AEBP2: variants seen among roughly 807,000 people sequenced by gnomAD.
AEBP2 encodes AE binding protein 2, also known as zinc finger protein AEBP2.
Under a neutral mutation model 50.8 loss-of-function variants are expected in AEBP2, and 10 were observed. That is an observed-to-expected ratio of 0.20 (90% CI 0.12 to 0.33). The LOEUF (loss-of-function observed/expected upper bound fraction) is 0.33, where lower values mean the gene tolerates loss of function less well. Among genes scored for constraint, AEBP2 ranks in the 10% least tolerant of loss-of-function variants. AEBP2 has a pLI of 1.00. For missense variants in AEBP2, 570 were observed against 688.0 expected (o/e 0.83, Z 1.92); for synonymous variants, 296 against 261.3 (o/e 1.13, Z -1.28).
intron 1 of AEBP2, among the ~76,000 whole-genome samples, chr12:19,459,069 T>G (rs905663357): frequency 2.6e-5 from 4 of 152,204 alleles, no homozygotes; most frequent in African/African-American, 9.7e-5. Context: ...TTGGTTATGA[T>G]TGGTTGTTCA....
At chr12:19,498,594 A>C (rs1949020351) in intron 4 of AEBP2, among the ~76,000 whole-genome samples, 1 of 152,176 alleles carries the variant, frequency 6.6e-6, no homozygotes, top group African/African-American at 2.4e-5. Context: ...CCAGGGAATC[A>C]AGCCAACTCT....
chr12:19,503,619 T>G (rs1262923974), intron 5 of AEBP2, among the ~76,000 whole-genome samples: 1 of 152,136 alleles, frequency 6.6e-6, no homozygotes, highest in Non-Finnish European at 1.5e-5. Flanking sequence ...GATTGATTGC[T>G]CTGGCTAGGA....
At chr12:19,411,328 A>G (rs2095739125) in intron 1 of AEBP2, among the ~76,000 whole-genome samples, 1 of 152,206 alleles carries the variant, frequency 6.6e-6, no homozygotes, top group Non-Finnish European at 1.5e-5. Context: ...AGCTTGGTCC[A>G]GAGGGAGGAT....
intron 1 of AEBP2, among the ~76,000 whole-genome samples, chr12:19,460,718 T>C (rs1051168075): frequency 6.7e-6 from 1 of 149,032 alleles, no homozygotes; most frequent in Admixed American, 6.8e-5. Flanking sequence ...CCAGTGCCGC[T>C]ATCTCTGCTC....
At position 19,440,023 on chromosome 12, in the gene AEBP2, T is replaced by A; in HGVS notation, c.324T>A (p.Asp108Glu). 6.6e-7 allele frequency: 1 copy of A among 1,518,630 alleles called. No homozygotes were observed. Among genetic ancestry groups the A allele is most frequent in the East Asian group, 2.6e-5 (1 of 37,864 alleles). The allele number at this position is 1,518,630 out of a possible 1,614,324, so 94.1% of individuals were successfully genotyped here. A position where few individuals can be genotyped will look rare whatever the true frequency, so the allele number is the denominator to read the frequency against. Residue 108 changes from aspartate (D) to glutamate (E), a missense_variant, in exon 1 of 8, where the codon GAT becomes GAA. By Grantham distance (45) the Asp-to-Glu change is conservative (BLOSUM62 2). Around this residue, in one of 2 missense-constraint regions of AEBP2, gnomAD observed 386 missense variants for 336.8 expected, o/e 1.15. Transcript: ENST00000266508. ...AGGAGGACGACGAGGAGGAGGAAGATGAGAGCAGCAGCAGCGGCGGGGGTG... is the reference window on the plus strand; with the variant it reads ...AGGAGGACGACGAGGAGGAGGAAGAAGAGAGCAGCAGCAGCGGCGGGGGTG... ...DEEEDDEEEE[D>E]ESSSSGGGEE... is the part of the protein sequence containing the mutation.
At chr12:19,466,734 C>T (rs1948483253) in intron 2 of AEBP2, 1 of 927,580 alleles carries the variant, frequency 1.1e-6, no homozygotes, top group South Asian at 5.0e-5. Context: ...CTTATTTCTT[C>T]TTTCTCTCTT....
At chr12:19,486,529 T>C (rs536026950) in intron 3 of AEBP2, among the ~76,000 whole-genome samples, 2 of 152,170 alleles carry the variant, frequency 1.3e-5, no homozygotes, top group African/African-American at 2.4e-5. Context: ...GTAGCTGGGA[T>C]TCAGGCCTGT....
intron 1 of AEBP2, chr12:19,456,725 A>C: frequency 6.3e-7 from 1 of 1,589,952 alleles, no homozygotes. Flanking sequence ...TGTCCCCAGA[A>C]AGAGTTTCAC....
chr12:19,506,640 T>C (rs1406493934), intron 5 of AEBP2, among the ~76,000 whole-genome samples: 1 of 152,192 alleles, frequency 6.6e-6, no homozygotes, highest in Non-Finnish European at 1.5e-5. Flanking sequence ...ACTGTTGTTC[T>C]TTTCCCTCAT....
intron 1 of AEBP2, among the ~76,000 whole-genome samples, chr12:19,431,440 TATAAA>T (rs1305260157): frequency 6.6e-6 from 1 of 152,204 alleles, no homozygotes; most frequent in Admixed American, 6.5e-5. Flanking sequence ...GCAAGTCAGA[TATAAA>T]ATACACGAAA....
upstream of AEBP2, among the ~76,000 whole-genome samples, chr12:19,439,180 G>A (rs533406089): frequency 1.1e-3 from 170 of 152,270 alleles, 1 homozygote; most frequent in African/African-American, 4.0e-3. Flanking sequence ...CTGTAGGCTC[G>A]TTCTATTCCT....
intron 3 of AEBP2, among the ~76,000 whole-genome samples, chr12:19,490,357 T>A (rs1485001781): frequency 2.0e-5 from 3 of 152,166 alleles, no homozygotes; most frequent in Admixed American, 6.6e-5. Flanking sequence ...TTAAACACTC[T>A]CAATTCAAGT....
At chr12:19,443,172 C>T (rs1947994246) in intron 1 of AEBP2, among the ~76,000 whole-genome samples, 1 of 151,566 alleles carries the variant, frequency 6.6e-6, no homozygotes, top group Non-Finnish European at 1.5e-5. Context: ...TCTCGGCTCA[C>T]TGCAACCTCT....
At chr12:19,421,344 C>CAAAAAAAAAAAAAAAAAAAAAA (rs375160231) in intron 1 of AEBP2, among the ~76,000 whole-genome samples, 19 of 82,386 alleles carry the variant, frequency 2.3e-4, no homozygotes, top group East Asian at 1.1e-3. Flanking sequence ...GACTCTGTCT[C>CAAAAAAAAAAAAAAAAAAAAAA]AAAAAAAAAA....
At chr12:19,412,803 G>C (rs1389550563) in intron 1 of AEBP2, among the ~76,000 whole-genome samples, 1 of 151,456 alleles carries the variant, frequency 6.6e-6, no homozygotes, top group Non-Finnish European at 1.5e-5. Flanking sequence ...GGGAGAGTCC[G>C]CAGTGCAAAG....
upstream of AEBP2, among the ~76,000 whole-genome samples, chr12:19,437,667 T>C (rs1947874315): frequency 6.6e-6 from 1 of 152,210 alleles, no homozygotes. Context: ...ATTTACAGTT[T>C]ACAGTGTATT....
At chr12:19,475,133 C>A (rs1948628421) in intron 3 of AEBP2, among the ~76,000 whole-genome samples, 2 of 151,652 alleles carry the variant, frequency 1.3e-5, no homozygotes, top group South Asian at 4.1e-4. Flanking sequence ...TGGATAAATT[C>A]CTTAGTGGTG....
chr12:19,517,870 G>C (rs1949342999), intron 7 of AEBP2, among the ~76,000 whole-genome samples: 1 of 152,166 alleles, frequency 6.6e-6, no homozygotes, highest in South Asian at 2.1e-4. Context: ...TTCTTTCTTA[G>C]AAATGCACTA....
intron 2 of AEBP2, among the ~76,000 whole-genome samples, chr12:19,471,320 T>C (rs532953562): frequency 6.6e-6 from 1 of 152,224 alleles, no homozygotes; most frequent in Non-Finnish European, 1.5e-5. Context: ...GGTTATGGCA[T>C]GTTGCCCAGG....
Sources: allele counts gnomAD v4.1 joint callset (sites outside exome capture counted in the v4.1 genomes callset), GRCh38; gene constraint gnomAD v4.1.1; regional missense constraint gnomAD v4.1.1; transcripts MANE v1.5; gene names NCBI Gene and HGNC (gene_info 2026-07-23, HGNC 2026-07-21).